Variants in PFKFB3 observed in about 807,000 individuals in gnomAD.
PFKFB3 encodes the protein 6-phosphofructo-2-kinase/fructose-2,6-bisphosphatase 3.
A neutral mutation model predicts 68.0 loss-of-function variants in PFKFB3; 33 were observed. The observed-to-expected ratio is 0.49, with a 90% CI of 0.37 to 0.65. The LOEUF is 0.65. PFKFB3 is among the 30% of genes least tolerant of loss of function. The pLI is 0.00. For missense variants in PFKFB3, 586 were observed against 712.2 expected (o/e 0.82, Z 2.02); for synonymous variants, 315 against 288.2 (o/e 1.09, Z -0.94).
chr10:6,201,055 G>A (rs2131849627), upstream of PFKFB3, among the ~76,000 whole-genome samples: 1 of 152,338 alleles, frequency 6.6e-6, no homozygotes, highest in East Asian at 1.9e-4. This position sits in a 1 kb window ranked among gnomAD's most constrained non-coding sequence, Gnocchi z 4.1. Flanking sequence ...TGGGCAAGCA[G>A]CGGGCGCGCA....
intron 3 of PFKFB3, 22 bp from the exon 4 acceptor site, chr10:6,216,103 G>C: frequency 6.2e-7 from 1 of 1,610,864 alleles, no homozygotes; most frequent in Non-Finnish European, 8.5e-7. Flanking sequence ...CTGACATTCG[G>C]GCAATGTCTT....
intron 1 of PFKFB3, among the ~76,000 whole-genome samples, chr10:6,207,451 T>G (rs1843867452): frequency 6.6e-6 from 1 of 152,050 alleles, no homozygotes; most frequent in South Asian, 2.1e-4. Context: ...GAGAGGGAGC[T>G]GGAGCTTAAA....
At chr10:6,186,207 A>C (rs1000529389) in intron 1 of PFKFB3, among the ~76,000 whole-genome samples, 7 of 152,216 alleles carry the variant, frequency 4.6e-5, no homozygotes, top group African/African-American at 1.7e-4. Flanking sequence ...GATATTCATA[A>C]TATACTTCAT....
intron 1 of PFKFB3, among the ~76,000 whole-genome samples, chr10:6,181,796 TAAAAAAAAAA>T (rs60557537): frequency 6.1e-5 from 7 of 114,168 alleles, no homozygotes; most frequent in Admixed American, 5.8e-4. Context: ...AGACTCCGTT[TAAAAAAAAAA>T]AAAAAAAAAA....
Position 6,226,511 on chromosome 10 carries a change from C to T in PFKFB3, c.1515+146C>T, listed in dbSNP as rs535386370. 6.6e-4 allele frequency: 465 copies of T among 707,232 alleles called. 1 individual carries two copies. Among genetic ancestry groups the T allele is most frequent in the Non-Finnish European group, 8.4e-4 (372 of 440,246 alleles). The allele number at this position is 707,232 out of a possible 1,614,324, so 43.8% of individuals were successfully genotyped here. ...TGCGTATGTTGTAGGTGTCTGTGCA[C>T]GTGTGTTGTGGGGGCATGTGCACAC... is the stretch of plus-strand genomic sequence containing the variant. On this transcript the variant is annotated intron_variant, in intron 14 of 14. Coordinates refer to ENST00000379775, the MANE Select transcript of PFKFB3 (RefSeq NM_004566.4).
intron 1 of PFKFB3, among the ~76,000 whole-genome samples, chr10:6,188,857 C>T (rs543391652): frequency 7.3e-4 from 89 of 121,640 alleles, no homozygotes; most frequent in African/African-American, 2.2e-3. Context: ...TTTTTTTAGA[C>T]GGAGTCTCGC....
the PFKFB3 span, among the ~76,000 whole-genome samples, chr10:6,313,077 A>C: frequency 1.2e-4 from 19 of 152,366 alleles, no homozygotes; most frequent in African/African-American, 4.6e-4. The surrounding 1 kb of genome is among the most constrained non-coding windows in gnomAD (Gnocchi z 4.2). Context: ...TCGCATGAGA[A>C]ATCTCTTACT....
At position 6,233,324 on chromosome 10, in the gene PFKFB3, TG is replaced by T. The variant is rs1845858659; in HGVS notation, c.*385del. 5.4e-6 allele frequency: 1 copy of T among 186,460 alleles called. No homozygotes were observed. Among genetic ancestry groups the T allele is most frequent in the African/African-American group, 2.3e-5 (1 of 42,792 alleles). The allele number at this position is 186,460 out of a possible 1,614,324, so 11.6% of individuals were successfully genotyped here. On this transcript the variant is annotated 3_prime_UTR_variant, in exon 15 of 15. Coordinates refer to ENST00000379775, the MANE Select transcript of PFKFB3 (RefSeq NM_004566.4). ...TGTGATCTCCCGGCACGTTTGGAGC[TG>T]GGAAGACCACACTGGTGGCAGAATC...
At chr10:6,262,375 A>G in the PFKFB3 span, among the ~76,000 whole-genome samples, 1 of 38,568 alleles carries the variant, frequency 2.6e-5, no homozygotes, top group Non-Finnish European at 8.0e-5. Flanking sequence ...AATGGCGTGA[A>G]CCCTGGGGGG....
the PFKFB3 span, among the ~76,000 whole-genome samples, chr10:6,300,588 G>A: frequency 3.9e-5 from 6 of 152,162 alleles, no homozygotes; most frequent in East Asian, 5.8e-4. Context: ...GCTCCGAAAC[G>A]GGAACAGCTG....
intron 1 of PFKFB3, among the ~76,000 whole-genome samples, chr10:6,211,556 G>A (rs185633790): frequency 1.1e-4 from 16 of 152,284 alleles, no homozygotes; most frequent in South Asian, 4.1e-4. Flanking sequence ...CCCTGGGCAC[G>A]GTGGGGTGTG....
At chr10:6,321,499 C>T in the PFKFB3 span, among the ~76,000 whole-genome samples, 1 of 152,180 alleles carries the variant, frequency 6.6e-6, no homozygotes, top group African/African-American at 2.4e-5. Flanking sequence ...TCCTTTCCTT[C>T]CCTAAACCCC....
chr10:6,256,058 A>G (rs1159519413), downstream of PFKFB3, among the ~76,000 whole-genome samples: 2 of 152,172 alleles, frequency 1.3e-5, no homozygotes, highest in Non-Finnish European at 2.9e-5. Context: ...GTTTGGGATA[A>G]GCCACATAAA....
At chr10:6,206,527 G>T (rs868393259) in intron 1 of PFKFB3, among the ~76,000 whole-genome samples, 326 of 130,062 alleles carry the variant, frequency 2.5e-3, no homozygotes, top group African/African-American at 0.011. Flanking sequence ...CAGTAGGGGC[G>T]GCCGGGCAGA....
At chr10:6,150,913 C>T (rs1003892161) in intron 1 of PFKFB3, among the ~76,000 whole-genome samples, 9 of 151,546 alleles carry the variant, frequency 5.9e-5, no homozygotes, top group Non-Finnish European at 1.0e-4. Flanking sequence ...GCAGGAGAAC[C>T]GCTTGAACCT....
chr10:6,315,751 G>A, the PFKFB3 span, among the ~76,000 whole-genome samples: 221 of 152,328 alleles, frequency 1.5e-3, 1 homozygote, highest in Middle Eastern at 3.4e-3. Context: ...CTCCCAAAGT[G>A]TTGGGATTAT....
the PFKFB3 span, among the ~76,000 whole-genome samples, chr10:6,262,353 C>T: frequency 9.9e-6 from 1 of 101,036 alleles, no homozygotes; most frequent in Non-Finnish European, 2.1e-5. Flanking sequence ...GCTCCAGAGG[C>T]TGAGGCAGGA....
chr10:6,148,107 CA>C (rs1350291661), intron 1 of PFKFB3, among the ~76,000 whole-genome samples: 3 of 152,238 alleles, frequency 2.0e-5, no homozygotes, highest in Non-Finnish European at 4.4e-5. Context: ...AGCTGAACAG[CA>C]AGACATGGTG....
At chr10:6,311,810 A>G in the PFKFB3 span, among the ~76,000 whole-genome samples, 1 of 152,210 alleles carries the variant, frequency 6.6e-6, no homozygotes, top group Non-Finnish European at 1.5e-5. Flanking sequence ...AATGGTGTGC[A>G]GTAGTAATAC....
Sources: gnomAD v4.1 joint callset for allele counts (sites outside exome capture counted in the v4.1 genomes callset) on GRCh38, gnomAD v4.1.1 for gene constraint, Gnocchi (gnomAD v3.1) non-coding constraint, MANE v1.5 for transcripts, NCBI Gene and HGNC (gene_info 2026-07-23, HGNC 2026-07-21) for gene names.